The following PLS1 variants were observed in gnomAD, a reference collection of about 807,000 sequenced individuals.
The protein encoded by PLS1 is plastin-1.
A neutral mutation model predicts 73.7 loss-of-function variants in PLS1; 32 were observed. That is an observed-to-expected ratio of 0.43 (90% CI 0.33 to 0.58). PLS1 has a LOEUF of 0.58. Among genes scored for constraint, PLS1 ranks in the 20% least tolerant of loss-of-function variants. PLS1 has a pLI of 0.04. For missense variants in PLS1, 633 were observed against 740.5 expected, an observed-to-expected ratio of 0.85 and a Z score of 1.68; for synonymous variants, 217 against 261.3, an observed-to-expected ratio of 0.83 and a Z score of 1.63.
chr3:142,695,779 T>G (rs2038184754), intron 11 of PLS1, among the ~76,000 whole-genome samples: 1 of 136,644 alleles, frequency 7.3e-6, no homozygotes, highest in African/African-American at 2.8e-5. Flanking sequence ...TTTATTTATT[T>G]ATTTATTTAT....
chr3:142,677,179 A>C (rs779492174), intron 5 of PLS1, among the ~76,000 whole-genome samples: 1 of 152,202 alleles, frequency 6.6e-6, no homozygotes, highest in African/African-American at 2.4e-5. Context: ...GAAAATGTCT[A>C]AATTATTGGT....
At chr3:142,610,800 A>G (rs2036108051) in intron 1 of PLS1, among the ~76,000 whole-genome samples, 1 of 152,192 alleles carries the variant, frequency 6.6e-6, no homozygotes, top group African/African-American at 2.4e-5. Flanking sequence ...TCTTTACCAC[A>G]TATGAGGAGC....
intron 1 of PLS1, among the ~76,000 whole-genome samples, chr3:142,652,536 A>C (rs1399191435): frequency 6.6e-6 from 1 of 152,174 alleles, no homozygotes; most frequent in Non-Finnish European, 1.5e-5. Flanking sequence ...GGCATGGCAA[A>C]TCCATTAGCG....
intron 1 of PLS1, among the ~76,000 whole-genome samples, chr3:142,642,643 A>C (rs2036866689): frequency 6.6e-6 from 1 of 152,148 alleles, no homozygotes; most frequent in South Asian, 2.1e-4. Context: ...TATCCCTTTA[A>C]AAGTATGGTT....
At chr3:142,615,701 T>C (rs1423748778) in intron 1 of PLS1, among the ~76,000 whole-genome samples, 1 of 151,982 alleles carries the variant, frequency 6.6e-6, no homozygotes, top group Non-Finnish European at 1.5e-5. Context: ...TCTGTTATCA[T>C]GTGAAGGAAG....
At chr3:142,702,350 T>C (rs2107950374) in intron 12 of PLS1, among the ~76,000 whole-genome samples, 1 of 152,370 alleles carries the variant, frequency 6.6e-6, no homozygotes, top group Admixed American at 6.5e-5. Context: ...TTTGGGAATT[T>C]GGATTCTCTT....
chr3:142,605,155 T>C (rs1341070804), intron 1 of PLS1, among the ~76,000 whole-genome samples: 1 of 152,092 alleles, frequency 6.6e-6, no homozygotes, highest in Non-Finnish European at 1.5e-5. Context: ...GTAGGTTTGA[T>C]AATTAAACAA....
At chr3:142,672,773 T>A (rs561153930) in intron 4 of PLS1, among the ~76,000 whole-genome samples, 1 of 152,340 alleles carries the variant, frequency 6.6e-6, no homozygotes, top group Admixed American at 6.5e-5. Flanking sequence ...TTTATTGAGA[T>A]ATAATTGACA....
intron 6 of PLS1, among the ~76,000 whole-genome samples, chr3:142,681,868 A>C (rs745383756): frequency 1.4e-4 from 21 of 152,020 alleles, no homozygotes; most frequent in Non-Finnish European, 2.6e-4. Context: ...ACATGTTGCA[A>C]CTCCTTATTT....
At position 142,597,471 on chromosome 3, in the gene PLS1, G is replaced by A. The variant is rs538601441; in HGVS notation, c.-37+962G>A. 73 of 152,240 alleles carry A rather than the reference G, an allele frequency of 4.8e-4. 1 individual carries two copies. The highest frequency in any genetic ancestry group is 1.7e-3 in the African/African-American group (70 of 41,520). The allele number at this position is 152,240 out of a possible 1,614,324, so 9.4% of individuals were successfully genotyped here. On this transcript the variant is annotated intron_variant, in intron 1 of 15. Coordinates refer to ENST00000457734, the MANE Select transcript of PLS1 (RefSeq NM_001145319.2). ...GGAGGCATATATATATATAGAGAGA[G>A]AGGTAGTAAGTTTAGGAAGAGGAAA...
chr3:142,607,633 C>T (rs2036048484), intron 1 of PLS1, among the ~76,000 whole-genome samples: 1 of 152,208 alleles, frequency 6.6e-6, no homozygotes, highest in Admixed American at 6.5e-5. Flanking sequence ...ATGAACTGAT[C>T]TTGTTATATT....
chr3:142,679,588 A>G (rs545498999), intron 6 of PLS1, among the ~76,000 whole-genome samples: 6,732 of 152,160 alleles, frequency 0.044, 496 homozygotes, highest in African/African-American at 0.15. Flanking sequence ...AGTTGTAGAT[A>G]TGCGGCGTTA....
chr3:142,713,400 A>T lies in PLS1; in HGVS notation c.*1393A>T, dbSNP rs1437000882. 6.6e-6 allele frequency: 1 copy of T among 152,602 alleles called. No individual in the cohort carries two copies. Among genetic ancestry groups the T allele is most frequent in the African/African-American group, 2.4e-5 (1 of 41,464 alleles). The allele number at this position is 152,602 out of a possible 1,614,324, so 9.5% of individuals were successfully genotyped here. On this transcript the variant is annotated 3_prime_UTR_variant, in exon 16 of 16. Coordinates refer to ENST00000457734, the MANE Select transcript of PLS1 (RefSeq NM_001145319.2). ...AGACTGCCCATGTGTTTAGAATAGA[A>T]TTTTTTAAATGAAATGATCAACAGG...
intron 1 of PLS1, among the ~76,000 whole-genome samples, chr3:142,652,195 C>A (rs2037109552): frequency 6.6e-6 from 1 of 152,160 alleles, no homozygotes; most frequent in Non-Finnish European, 1.5e-5. Flanking sequence ...CTGATTCCCA[C>A]TTCGTAGATT....
intron 1 of PLS1, among the ~76,000 whole-genome samples, chr3:142,658,748 C>T (rs895200791): frequency 6.6e-6 from 1 of 152,032 alleles, no homozygotes; most frequent in East Asian, 1.9e-4. Context: ...ATTTGTTTTA[C>T]TGATGTATAC....
At chr3:142,683,150 C>A (rs1577886954) in intron 6 of PLS1, among the ~76,000 whole-genome samples, 1 of 152,290 alleles carries the variant, frequency 6.6e-6, no homozygotes, top group East Asian at 1.9e-4. Context: ...GTGACCAGCC[C>A]ATTAAATTGT....
intron 1 of PLS1, among the ~76,000 whole-genome samples, chr3:142,622,151 G>A (rs2036328368): frequency 6.6e-6 from 1 of 152,060 alleles, no homozygotes; most frequent in Non-Finnish European, 1.5e-5. Context: ...TTCTGCCAGT[G>A]GTCCTAATTC....
intron 2 of PLS1, among the ~76,000 whole-genome samples, chr3:142,667,054 CT>C (rs1211219955): frequency 2.6e-5 from 4 of 152,138 alleles, no homozygotes; most frequent in African/African-American, 9.7e-5. Flanking sequence ...GGTTATTTAA[CT>C]TAAGCCTTTA....
At chr3:142,701,878 C>G (rs1223752046) in intron 12 of PLS1, among the ~76,000 whole-genome samples, 1 of 152,192 alleles carries the variant, frequency 6.6e-6, no homozygotes, top group Non-Finnish European at 1.5e-5. Flanking sequence ...TTTTTACTCT[C>G]CTGTACACAG....
Sources: gnomAD v4.1 joint callset for allele counts (sites outside exome capture counted in the v4.1 genomes callset) on GRCh38, gnomAD v4.1.1 for gene constraint, MANE v1.5 for transcripts, NCBI Gene and HGNC (gene_info 2026-07-23, HGNC 2026-07-21) for gene names.